Variants in GREB1L observed in about 807,000 individuals in gnomAD.
The protein encoded by GREB1L is GREB1 like retinoic acid receptor coactivator.
In GREB1L, 17 loss-of-function variants were observed where a neutral mutation model predicts 200.8. The observed-to-expected ratio is 0.08, with a 90% CI of 0.06 to 0.13. GREB1L has a LOEUF of 0.13. Ranked by LOEUF, GREB1L falls within the 10% of genes least tolerant of loss-of-function variation. The probability of loss-of-function intolerance (pLI) is 1.00; values close to 1 mark genes in which losing one functional copy is unlikely to be tolerated. For synonymous variants in GREB1L, 789 were observed against 893.0 expected (o/e 0.88, Z 2.08); for missense variants, 1,657 against 2,367.7 (o/e 0.70, Z 6.23).
At chr18:21,287,205 T>C (rs770719830) in intron 1 of GREB1L, among the ~76,000 whole-genome samples, 24 of 152,160 alleles carry the variant, frequency 1.6e-4, no homozygotes, top group Non-Finnish European at 3.1e-4. Flanking sequence ...GAATAGAGTA[T>C]GTGATTAGTC....
chr18:21,321,229 A>G (rs1567935805), intron 1 of GREB1L, among the ~76,000 whole-genome samples: 2 of 151,994 alleles, frequency 1.3e-5, no homozygotes, highest in African/African-American at 2.4e-5. Context: ...CGGGAGGTGG[A>G]GGTTTCAGTG....
At chr18:21,377,636 C>A (rs1323997605) in intron 2 of GREB1L, among the ~76,000 whole-genome samples, 1 of 152,124 alleles carries the variant, frequency 6.6e-6, no homozygotes, top group Non-Finnish European at 1.5e-5. Context: ...GCGGAGGTTG[C>A]AGTGAGCCAA....
intron 1 of GREB1L, among the ~76,000 whole-genome samples, chr18:21,297,960 T>C (rs2038556360): frequency 6.6e-6 from 1 of 152,028 alleles, no homozygotes; most frequent in South Asian, 2.1e-4. Flanking sequence ...AGGAAAACAA[T>C]GATGGCCATC....
In GREB1L at chr18:21,468,668, A is replaced by G. The variant is rs545434667; in HGVS notation, c.2183-4363A>G. On this transcript the variant is annotated intron_variant, in intron 15 of 32. Coordinates refer to ENST00000424526, the MANE Select transcript of GREB1L (RefSeq NM_001142966.3). Reference sequence around the variant, plus strand: ...AGAGCAGGAACTCAGTGCCAGAATGATACTGTTAACGAAAGATCTCACCAA... The same window carrying G: ...AGAGCAGGAACTCAGTGCCAGAATGGTACTGTTAACGAAAGATCTCACCAA... The G allele has an allele frequency of 7.5e-5, 34 of 456,266 alleles. No individual in the cohort carries two copies. In the East Asian group the frequency reaches 2.2e-3, roughly 30 times the overall value. 28.3% of individuals were successfully genotyped at this position (456,266 alleles called of 1,614,324 possible).
intron 17 of GREB1L, among the ~76,000 whole-genome samples, chr18:21,481,435 A>ATG (rs1449765952): frequency 1.0e-4 from 13 of 124,442 alleles, no homozygotes; most frequent in Admixed American, 1.8e-4. Flanking sequence ...AACAGTATAT[A>ATG]TGTATGTGTG....
intron 1 of GREB1L, among the ~76,000 whole-genome samples, chr18:21,252,543 G>A (rs2143968335): frequency 7.6e-6 from 1 of 131,900 alleles, no homozygotes; most frequent in South Asian, 2.5e-4. Flanking sequence ...GGCAACAAGA[G>A]TGAAACTCCA....
At chr18:21,500,513 C>T (rs2036741805) in intron 22 of GREB1L, 27 bp from the exon 23 acceptor site, 2 of 1,467,758 alleles carry the variant, frequency 1.4e-6, no homozygotes, top group Non-Finnish European at 1.9e-6. Flanking sequence ...GCCTCCACTC[C>T]TCCCCAATTA....
chr18:21,399,327 C>T (rs2041211861), intron 5 of GREB1L, among the ~76,000 whole-genome samples: 1 of 152,170 alleles, frequency 6.6e-6, no homozygotes, highest in Non-Finnish European at 1.5e-5. Context: ...ATGTAGTTTC[C>T]ACAAAGGCAG....
At chr18:21,261,688 A>C (rs919183300) in intron 1 of GREB1L, among the ~76,000 whole-genome samples, 1 of 152,088 alleles carries the variant, frequency 6.6e-6, no homozygotes, top group African/African-American at 2.4e-5. Context: ...CTGCATTGAC[A>C]TTTCCAAAGT....
intron 17 of GREB1L, 173 bp from the exon 18 acceptor site, chr18:21,485,447 T>G (rs2036089545): frequency 2.2e-6 from 1 of 462,684 alleles, no homozygotes; most frequent in Non-Finnish European, 3.8e-6. Context: ...TTTCACTTAG[T>G]GCCTCAGAGA....
intron 7 of GREB1L, among the ~76,000 whole-genome samples, chr18:21,427,418 T>C (rs767347242): frequency 4.6e-5 from 7 of 151,904 alleles, no homozygotes; most frequent in Non-Finnish European, 8.8e-5. Context: ...GGTGGGAGGA[T>C]CACATGAGCC....
intron 1 of GREB1L, among the ~76,000 whole-genome samples, chr18:21,352,333 C>T (rs2039445846): frequency 1.3e-5 from 2 of 151,912 alleles, no homozygotes; most frequent in African/African-American, 4.8e-5. Flanking sequence ...GTCATGAAAA[C>T]GTCAATGTTT....
chr18:21,445,058 C>A (rs1166591473), intron 11 of GREB1L, among the ~76,000 whole-genome samples: 1 of 152,236 alleles, frequency 6.6e-6, no homozygotes, highest in African/African-American at 2.4e-5. Flanking sequence ...TGCAGGTGCC[C>A]TGACAATACT....
At position 21,383,682 on chromosome 18, in the gene GREB1L, T is replaced by C; in HGVS notation, c.157+7T>C. ...CATCCTTTCTCATCTGCAGGTAAGTTTCTCAATCACACACATTTCTGGATT... is the reference window on the plus strand; with the variant it reads ...CATCCTTTCTCATCTGCAGGTAAGTCTCTCAATCACACACATTTCTGGATT... On this transcript the variant is annotated splice_region_variant and intron_variant, in intron 3 of 32. Coordinates refer to ENST00000424526, the MANE Select transcript of GREB1L (RefSeq NM_001142966.3). The C allele has an allele frequency of 6.5e-7, 1 of 1,548,432 alleles. No homozygotes were observed. The highest frequency in any genetic ancestry group is 1.4e-5 in the African/African-American group (1 of 72,834).
chr18:21,326,914 T>C (rs1310769472), intron 1 of GREB1L, among the ~76,000 whole-genome samples: 2 of 152,212 alleles, frequency 1.3e-5, no homozygotes, highest in African/African-American at 4.8e-5. Flanking sequence ...GGTAGATGTC[T>C]GCTCTTCTTT....
At chr18:21,313,033 A>G (rs2038816166) in intron 1 of GREB1L, among the ~76,000 whole-genome samples, 1 of 152,060 alleles carries the variant, frequency 6.6e-6, no homozygotes, top group Non-Finnish European at 1.5e-5. Context: ...TTACTTATAG[A>G]TGCTGGATAT....
intron 7 of GREB1L, among the ~76,000 whole-genome samples, chr18:21,411,574 A>G (rs539790880): frequency 6.6e-5 from 10 of 152,310 alleles, no homozygotes; most frequent in African/African-American, 2.2e-4. Flanking sequence ...AATTGATACC[A>G]AAGCTCTGTA....
intron 1 of GREB1L, among the ~76,000 whole-genome samples, chr18:21,311,227 A>G (rs1271513065): frequency 6.6e-6 from 1 of 152,240 alleles, no homozygotes; most frequent in African/African-American, 2.4e-5. Context: ...GACTTCTCTC[A>G]CAAGAGTAAA....
intron 2 of GREB1L, 132 bp from the exon 3 acceptor site, chr18:21,383,377 TG>T: frequency 1.5e-6 from 1 of 660,252 alleles, no homozygotes; most frequent in Non-Finnish European, 2.4e-6. Flanking sequence ...TTAAGATCTC[TG>T]GGTAGTTCAT....
Sources: allele counts gnomAD v4.1 joint callset (sites outside exome capture counted in the v4.1 genomes callset), GRCh38; gene constraint gnomAD v4.1.1; transcripts MANE v1.5; gene names NCBI Gene and HGNC (gene_info 2026-07-23, HGNC 2026-07-21).